The following FBXW4 variants were observed in gnomAD, a reference collection of about 807,000 sequenced individuals.
FBXW4 encodes the protein F-box and WD repeat domain containing 4.
FBXW4 carries 40 observed loss-of-function variants against 61.8 expected under a neutral mutation model. The ratio of observed to expected loss-of-function variants is 0.65; its 90% CI spans 0.50 to 0.84. The LOEUF (loss-of-function observed/expected upper bound fraction) is 0.84, where lower values mean the gene tolerates loss of function less well. FBXW4 is among the 40% of genes least tolerant of loss of function. The pLI is 0.00. For synonymous variants in FBXW4, 311 were observed against 313.8 expected (o/e 0.99, Z 0.10); for missense variants, 672 against 753.8 (o/e 0.89, Z 1.27).
chr10:101,664,421 G>A (rs1442048341), intron 5 of FBXW4, among the ~76,000 whole-genome samples: 1 of 152,236 alleles, frequency 6.6e-6, no homozygotes, highest in Non-Finnish European at 1.5e-5. Context: ...TAAACCAGGA[G>A]TACCTGCCCT....
At chr10:101,631,958 A>T (rs1379517737) in intron 5 of FBXW4, among the ~76,000 whole-genome samples, 1 of 152,146 alleles carries the variant, frequency 6.6e-6, no homozygotes, top group African/African-American at 2.4e-5. Flanking sequence ...AAAAGACAAC[A>T]TAACACTCCT....
chr10:101,638,260 G>T (rs1564909850), intron 5 of FBXW4, among the ~76,000 whole-genome samples: 1 of 152,162 alleles, frequency 6.6e-6, no homozygotes, highest in Non-Finnish European at 1.5e-5. Context: ...CGTGGAACTA[G>T]AATGCTGCAG....
intron 5 of FBXW4, among the ~76,000 whole-genome samples, chr10:101,660,822 C>T (rs2064235381): frequency 6.6e-6 from 1 of 152,186 alleles, no homozygotes; most frequent in African/African-American, 2.4e-5. Flanking sequence ...GTCCAGCGTG[C>T]TCCCAAGGCC....
chr10:101,611,337 G>A lies in FBXW4; in HGVS notation c.1658C>T (p.Ala553Val). 1 of 1,614,200 alleles carries A rather than the reference G, an allele frequency of 6.2e-7. No homozygotes were observed. The highest frequency in any genetic ancestry group is 8.5e-7 in the Non-Finnish European group (1 of 1,180,028). ...CLRLTTKHLY[A>V]ALSYNLHVLD... ...GACGTGGAGGTTGTAAGACAGGGCAGCATAGAGATGCTTGGTGGTGAGACG... is the reference window on the plus strand; with the variant it reads ...GACGTGGAGGTTGTAAGACAGGGCAACATAGAGATGCTTGGTGGTGAGACG... The change falls in exon 9 of 9, where the codon GCT (alanine) becomes GTT (valine). Residue 553 changes from alanine to valine, a missense_variant. Ala to Val is a moderately conservative substitution (Grantham distance 64, BLOSUM62 0). This residue lies in a region of FBXW4 where 312 missense variants were observed against 370.1 expected (regional missense o/e 0.84). Transcript: ENST00000331272. This position sits in a 1 kb window ranked among gnomAD's most constrained non-coding sequence, Gnocchi z 4.9.
At position 101,611,839 on chromosome 10, in the gene FBXW4, C is replaced by T; in HGVS notation, c.1443-70G>A. The T allele has an allele frequency of 6.5e-7, 1 of 1,539,288 alleles. No homozygotes were observed. Among genetic ancestry groups the T allele is most frequent in the Non-Finnish European group, 8.8e-7 (1 of 1,138,398 alleles). On this transcript the variant is annotated intron_variant, in intron 7 of 8. Coordinates refer to ENST00000331272, the MANE Select transcript of FBXW4 (RefSeq NM_022039.4). This position sits in a 1 kb window ranked among gnomAD's most constrained non-coding sequence, Gnocchi z 4.9. The stretch of plus-strand genomic sequence containing the variant: ...CACCTCTACCCCAGCTTTCTTGGGC[C>T]TAGAGTGGCTGAGGGGAGCGTTAAG...
chr10:101,678,461 T>G (rs550090721), intron 1 of FBXW4, among the ~76,000 whole-genome samples: 2 of 152,364 alleles, frequency 1.3e-5, no homozygotes, highest in African/African-American at 4.8e-5. Context: ...AGTCTCGCTC[T>G]GTCACCCAGG....
chr10:101,678,741 T>C (rs945355157), intron 1 of FBXW4, among the ~76,000 whole-genome samples: 9 of 152,202 alleles, frequency 5.9e-5, no homozygotes, highest in Non-Finnish European at 1.0e-4. Flanking sequence ...TACACTCATT[T>C]ATTCGAGCCT....
intron 4 of FBXW4, 43 bp from the exon 5 acceptor site, chr10:101,668,023 A>G (rs772352684): frequency 1.3e-6 from 2 of 1,504,404 alleles, no homozygotes; most frequent in East Asian, 4.5e-5. Context: ...ATTGCCTGGG[A>G]TCAGTGGGGA....
intron 5 of FBXW4, among the ~76,000 whole-genome samples, chr10:101,658,984 G>A (rs1449488095): frequency 3.3e-5 from 5 of 151,852 alleles, no homozygotes; most frequent in African/African-American, 4.8e-5. Flanking sequence ...ACAAGTTTCC[G>A]CTCTACCATC....
At chr10:101,613,273 T>G (rs1478962707) in intron 6 of FBXW4, 1 of 152,288 alleles carries the variant, frequency 6.6e-6, no homozygotes, top group Non-Finnish European at 1.5e-5. Context: ...CTAGCAACTA[T>G]GTAGGGGGGC....
chr10:101,653,301 A>G (rs1253100293), intron 5 of FBXW4, among the ~76,000 whole-genome samples: 1 of 152,188 alleles, frequency 6.6e-6, no homozygotes. Flanking sequence ...AAAGAATCCT[A>G]TATGCTGTAG....
chr10:101,624,895 A>G, intron 5 of FBXW4, 85 bp from the exon 6 acceptor site: 1 of 1,424,704 alleles, frequency 7.0e-7, no homozygotes, highest in Non-Finnish European at 9.9e-7. Context: ...TGCCGTGCTC[A>G]TTCCCTAGGG....
chr10:101,668,129 C>A, intron 4 of FBXW4, 149 bp from the exon 5 acceptor site: 1 of 624,220 alleles, frequency 1.6e-6, no homozygotes, highest in Non-Finnish European at 2.9e-6. Flanking sequence ...GCAGAGGGGC[C>A]CCTGCAGCTT....
chr10:101,666,744 A>T (rs1371878073), intron 5 of FBXW4, among the ~76,000 whole-genome samples: 1 of 152,188 alleles, frequency 6.6e-6, no homozygotes, highest in Non-Finnish European at 1.5e-5. Flanking sequence ...GTCGGGATGC[A>T]AACCTCACTT....
chr10:101,638,071 G>A (rs1044714316), intron 5 of FBXW4, among the ~76,000 whole-genome samples: 3 of 152,130 alleles, frequency 2.0e-5, no homozygotes, highest in Non-Finnish European at 2.9e-5. Context: ...TTTTTGGTGC[G>A]CTTCCTCCTC....
At chr10:101,632,506 C>T (rs536171757) in intron 5 of FBXW4, among the ~76,000 whole-genome samples, 2 of 152,210 alleles carry the variant, frequency 1.3e-5, no homozygotes, top group South Asian at 4.1e-4. Context: ...CTAGCCCAGG[C>T]TAGACAAAAG....
intron 1 of FBXW4, among the ~76,000 whole-genome samples, chr10:101,683,746 T>C (rs2064503312): frequency 6.6e-6 from 1 of 152,044 alleles, no homozygotes; most frequent in Non-Finnish European, 1.5e-5. Flanking sequence ...TCCCTCTCTG[T>C]CCCATCTCAC....
chr10:101,633,462 G>A (rs779066307), intron 5 of FBXW4, among the ~76,000 whole-genome samples: 1 of 152,162 alleles, frequency 6.6e-6, no homozygotes, highest in Non-Finnish European at 1.5e-5. Flanking sequence ...TAGTGGGTTA[G>A]GGGAGGGATA....
At chr10:101,641,612 T>C (rs945550605) in intron 5 of FBXW4, among the ~76,000 whole-genome samples, 6 of 141,232 alleles carry the variant, frequency 4.2e-5, no homozygotes, top group Non-Finnish European at 6.1e-5. Context: ...ATTCACATAG[T>C]GCATGTAAGA....
Sources: allele counts gnomAD v4.1 joint callset (sites outside exome capture counted in the v4.1 genomes callset), GRCh38; gene constraint gnomAD v4.1.1; regional missense constraint gnomAD v4.1.1; non-coding constraint Gnocchi (gnomAD v3.1); transcripts MANE v1.5; gene names NCBI Gene and HGNC (gene_info 2026-07-23, HGNC 2026-07-21).